The following CSMD1 variants were observed in gnomAD, a reference collection of about 807,000 sequenced individuals.
CSMD1 encodes CUB and Sushi multiple domains 1.
CSMD1 carries 213 observed loss-of-function variants against 417.5 expected under a neutral mutation model. That is an observed-to-expected ratio of 0.51 (90% CI 0.46 to 0.57). The LOEUF is 0.57. CSMD1 is among the 20% of genes least tolerant of loss of function. The pLI is 0.00. For missense variants in CSMD1, 6,923 were observed against 4,529.7 expected, an observed-to-expected ratio of 1.53 and a Z score of -15.17; for synonymous variants, 2,862 against 1,736.8, an observed-to-expected ratio of 1.65 and a Z score of -16.11.
At chr8:3,093,707 G>A (rs912610007) in intron 47 of CSMD1, among the ~76,000 whole-genome samples, 3 of 152,086 alleles carry the variant, frequency 2.0e-5, no homozygotes, top group African/African-American at 7.2e-5. Context: ...TCAATTTATG[G>A]CACTTTGTCA....
chr8:4,682,578 T>C (rs1456596799), intron 1 of CSMD1, among the ~76,000 whole-genome samples: 1 of 152,048 alleles, frequency 6.6e-6, no homozygotes, highest in Non-Finnish European at 1.5e-5. Flanking sequence ...AGATAATACA[T>C]AAATGTATGA....
At chr8:3,840,970 G>A (rs896831226) in intron 5 of CSMD1, among the ~76,000 whole-genome samples, 1 of 152,176 alleles carries the variant, frequency 6.6e-6, no homozygotes, top group Middle Eastern at 3.4e-3. Flanking sequence ...GCCTCCCAAA[G>A]TGCTCAGATT....
At chr8:3,082,867 C>G (rs1355479494) in intron 49 of CSMD1, among the ~76,000 whole-genome samples, 3 of 152,194 alleles carry the variant, frequency 2.0e-5, no homozygotes, top group Middle Eastern at 3.2e-3. Context: ...GTAACTCTAT[C>G]CCTACAGATG....
chr8:3,108,273 T>A (rs1249567304), intron 44 of CSMD1, among the ~76,000 whole-genome samples: 2 of 152,186 alleles, frequency 1.3e-5, no homozygotes, highest in African/African-American at 2.4e-5. Flanking sequence ...CCATTTATAG[T>A]TACATGACAT....
intron 12 of CSMD1, among the ~76,000 whole-genome samples, chr8:3,460,328 C>T (rs944989765): frequency 6.6e-6 from 1 of 152,110 alleles, no homozygotes; most frequent in Non-Finnish European, 1.5e-5. Context: ...CAGGAAGTTC[C>T]ATGGGACAAA....
chr8:4,503,542 A>C (rs1802367206), intron 2 of CSMD1, among the ~76,000 whole-genome samples: 1 of 152,196 alleles, frequency 6.6e-6, no homozygotes, highest in African/African-American at 2.4e-5. Flanking sequence ...AATCCAATAA[A>C]TGATTTTGTC....
chr8:3,142,049 G>A (rs1026669020), intron 41 of CSMD1, among the ~76,000 whole-genome samples: 23 of 151,994 alleles, frequency 1.5e-4, no homozygotes, highest in Non-Finnish European at 2.6e-4. Flanking sequence ...CGCCCGCCTC[G>A]GCCTTCCAAA....
intron 1 of CSMD1, among the ~76,000 whole-genome samples, chr8:4,759,387 C>G (rs975051270): frequency 2.0e-5 from 3 of 152,182 alleles, no homozygotes; most frequent in Non-Finnish European, 4.4e-5. Flanking sequence ...AGGCTATTAT[C>G]CAATGGCATC....
At chr8:4,240,994 A>G (rs1293202711) in intron 3 of CSMD1, among the ~76,000 whole-genome samples, 2 of 152,268 alleles carry the variant, frequency 1.3e-5, no homozygotes, top group East Asian at 3.9e-4. Flanking sequence ...TTTCCAGCCA[A>G]CGTCTCAGTG....
chr8:4,461,954 G>T (rs1052517939), intron 2 of CSMD1, among the ~76,000 whole-genome samples: 2 of 151,940 alleles, frequency 1.3e-5, no homozygotes, highest in African/African-American at 4.8e-5. Context: ...TGTTAGCCAG[G>T]ATGGGCTCTA....
chr8:3,646,988 A>G (rs2117354929), intron 7 of CSMD1, among the ~76,000 whole-genome samples: 1 of 152,354 alleles, frequency 6.6e-6, no homozygotes. Context: ...TTCAAGGGCC[A>G]GATACGCATT....
rs574949756 is a variant in CSMD1, at chr8:4,188,589, A to G, written c.416-156490T>C. Among the ~76,000 whole-genome samples, 413 of 152,248 alleles carry G rather than the reference A, an allele frequency of 2.7e-3. 1 individual carries two copies. Among genetic ancestry groups the G allele is most frequent in the African/African-American group, 9.5e-3 (394 of 41,532 alleles). On this transcript the variant is annotated intron_variant, in intron 3 of 69. Transcript: ENST00000635120. ...GACACTGTCAACTGACGCGCCCTACAGTTCACTGCAAGCTTAAGATTCTGT... is the reference window on the plus strand; with the variant it reads ...GACACTGTCAACTGACGCGCCCTACGGTTCACTGCAAGCTTAAGATTCTGT...
chr8:3,922,864 G>C (rs1051735038), intron 5 of CSMD1, among the ~76,000 whole-genome samples: 1 of 152,106 alleles, frequency 6.6e-6, no homozygotes, highest in Non-Finnish European at 1.5e-5. Context: ...ATTGGGATAT[G>C]TGGAGGAAAA....
At chr8:4,367,275 G>T (rs1237929640) in intron 3 of CSMD1, among the ~76,000 whole-genome samples, 3 of 152,014 alleles carry the variant, frequency 2.0e-5, no homozygotes, top group Admixed American at 1.3e-4. Context: ...CAGACTGCAT[G>T]AGTCTAGACA....
intron 1 of CSMD1, among the ~76,000 whole-genome samples, chr8:4,666,498 A>G (rs1804947333): frequency 2.0e-5 from 3 of 152,188 alleles, no homozygotes; most frequent in Admixed American, 6.5e-5. Flanking sequence ...AATTTTTACT[A>G]AGACCCTCCA....
intron 10 of CSMD1, among the ~76,000 whole-genome samples, chr8:3,502,778 G>T (rs1228422078): frequency 6.6e-6 from 1 of 152,174 alleles, no homozygotes; most frequent in Non-Finnish European, 1.5e-5. Flanking sequence ...ATGTTATAAT[G>T]GTGGACACTG....
rs193151541 is a variant in CSMD1, at chr8:3,871,270, C to T, written c.819-117228G>A. ...TAGCACTTAATAATGCCAAATTACT[C>T]TTCAATAAAAAGCTGCACTGATTTA... On this transcript the variant is annotated intron_variant, in intron 5 of 69. Coordinates refer to ENST00000635120, the MANE Select transcript of CSMD1 (RefSeq NM_033225.6). 2.0e-5 allele frequency among the ~76,000 whole-genome samples: 3 copies of T among 152,076 alleles called. No homozygotes were observed. The East Asian group carries it at 5.8e-4, about 29-fold the overall frequency.
intron 5 of CSMD1, among the ~76,000 whole-genome samples, chr8:3,915,891 A>C (rs1433222158): frequency 1.3e-5 from 2 of 150,558 alleles, no homozygotes; most frequent in Non-Finnish European, 2.9e-5. Context: ...AAGGAAATTA[A>C]AATCATATAA....
chr8:3,926,714 C>CTTTTTTTTTTTTTTTT (rs56721822), intron 5 of CSMD1, among the ~76,000 whole-genome samples: 1 of 103,496 alleles, frequency 9.7e-6, no homozygotes, highest in Non-Finnish European at 1.8e-5. Flanking sequence ...AAATTGACAC[C>CTTTTTTTTTTTTTTTT]TTTTTTTTTT....
Sources: gnomAD v4.1 joint callset for allele counts (sites outside exome capture counted in the v4.1 genomes callset) on GRCh38, gnomAD v4.1.1 for gene constraint, MANE v1.5 for transcripts, NCBI Gene and HGNC (gene_info 2026-07-23, HGNC 2026-07-21) for gene names.